EFCAB12: variants seen among roughly 807,000 people sequenced by gnomAD.
The protein encoded by EFCAB12 is EF-hand calcium-binding domain-containing protein 12.
In EFCAB12, 43 loss-of-function variants were observed where a neutral mutation model predicts 53.6. The ratio of observed to expected loss-of-function variants is 0.80; its 90% CI spans 0.63 to 1.03. EFCAB12 has a LOEUF of 1.03. Among genes scored for constraint, EFCAB12 ranks in the 50% least tolerant of loss-of-function variants. The pLI, the probability that EFCAB12 is intolerant of heterozygous loss-of-function variation, is 0.00. For missense variants in EFCAB12, 646 were observed against 730.6 expected (o/e 0.88, Z 1.34); for synonymous variants, 269 against 289.2 (o/e 0.93, Z 0.71).
chr3:129,404,429 C>T (rs370870184), intron 6 of EFCAB12, 26 bp from the exon 7 acceptor site: 3 of 1,594,968 alleles, frequency 1.9e-6, no homozygotes, highest in East Asian at 4.5e-5. Context: ...GAAACATCTG[C>T]ACCCATCAAC....
At chr3:129,411,731 G>T in intron 4 of EFCAB12, 1 of 162,720 alleles carries the variant, frequency 6.1e-6, no homozygotes, top group South Asian at 1.8e-4. Context: ...TCAGGAGATC[G>T]AGACCATCCT....
At chr3:129,409,586 T>G (rs1384471541) in intron 5 of EFCAB12, among the ~76,000 whole-genome samples, 2 of 152,194 alleles carry the variant, frequency 1.3e-5, no homozygotes, top group African/African-American at 4.8e-5. Flanking sequence ...GCCACCACCT[T>G]GTTTTTTAAC....
At chr3:129,411,404 A>T in intron 4 of EFCAB12, 50 bp from the exon 5 acceptor site, 1 of 1,515,344 alleles carries the variant, frequency 6.6e-7, no homozygotes, top group Non-Finnish European at 8.9e-7. Flanking sequence ...GAGGGTGCCC[A>T]GCCACGGAAC....
In EFCAB12 at chr3:129,401,567, C is replaced by A; in HGVS notation, c.*26G>T. 6.7e-7 allele frequency: 1 copy of A among 1,493,946 alleles called. No individual in the cohort carries two copies. Among genetic ancestry groups the A allele is most frequent in the Non-Finnish European group, 9.0e-7 (1 of 1,113,182 alleles). The allele number at this position is 1,493,946 out of a possible 1,614,324, so 92.5% of individuals were successfully genotyped here. On this transcript the variant is annotated 3_prime_UTR_variant, in exon 9 of 9. Transcript: ENST00000505956. ...TGCACTGGCCCCTGGCCCAGGAAGG[C>A]TGGGTCCGGCAACACCTGGCTAGCT...
At chr3:129,428,333 A>C (rs1239471474) in intron 1 of EFCAB12, 107 bp downstream of exon 1, 2 of 1,457,462 alleles carry the variant, frequency 1.4e-6, no homozygotes, top group Non-Finnish European at 1.9e-6. Context: ...CCCTTCACCC[A>C]GAGGGGGTCG....
intron 1 of EFCAB12, among the ~76,000 whole-genome samples, chr3:129,423,633 T>A (rs9872390): frequency 0.064 from 9,690 of 151,936 alleles, 927 homozygotes; most frequent in East Asian, 0.44. Context: ...TCAAAAAAAT[T>A]TAAAAAAATC....
intron 5 of EFCAB12, among the ~76,000 whole-genome samples, chr3:129,410,901 T>C (rs1241053244): frequency 6.6e-6 from 1 of 152,146 alleles, no homozygotes; most frequent in Non-Finnish European, 1.5e-5. Context: ...GGTCTAAGGA[T>C]GAAAAGTCAT....
At chr3:129,416,788 G>T (rs12629957) in intron 3 of EFCAB12, among the ~76,000 whole-genome samples, 29,509 of 151,928 alleles carry the variant, frequency 0.19, 3,958 homozygotes, top group East Asian at 0.46. Context: ...TAGCTGGGAC[G>T]ACAGGTGTGT....
In EFCAB12 at chr3:129,415,262, A is replaced by G. The variant is rs957662650; in HGVS notation, c.821T>C (p.Leu274Pro). The change falls in exon 4 of 9, where the codon CTG becomes CCG. Residue 274 changes from leucine to proline, a missense_variant. Coordinates refer to ENST00000505956, the MANE Select transcript of EFCAB12 (RefSeq NM_207307.3). The stretch of plus-strand genomic sequence containing the variant: ...GTACGCACGCTCCCTTGCAGTGGCC[A>G]GGCTGCTCCTTTGCTGAGCCATAGA... Reference protein sequence around the residue: ...QWSMAQQRSSLATAREHYILA... With the variant: ...QWSMAQQRSSPATAREHYILA... 1 of 1,609,752 alleles carries G rather than the reference A, an allele frequency of 6.2e-7. No individual in the cohort carries two copies. Among genetic ancestry groups the G allele is most frequent in the Non-Finnish European group, 8.5e-7 (1 of 1,178,808 alleles).
rs780400957 is a variant in EFCAB12, at chr3:129,415,246, C to T, written c.837G>A (p.Glu279=). ...CACAGGATGGGGAGGGGTACGCACG[C>T]TCCCTTGCAGTGGCCAGGCTGCTCC... is the stretch of plus-strand genomic sequence containing the variant. ...QQRSSLATAR[E]HYILAKHRDS... The change falls in exon 4 of 9, where the codon GAG becomes GAA. Residue 279 remains glutamate (E), a splice_region_variant and synonymous_variant. Coordinates refer to ENST00000505956, the MANE Select transcript of EFCAB12 (RefSeq NM_207307.3). 11 of 1,601,772 alleles carry T rather than the reference C, an allele frequency of 6.9e-6. No homozygotes were observed. In the East Asian group the frequency reaches 1.6e-4, roughly 23 times the overall value.
At chr3:129,406,946 G>A (rs1282710180) in intron 6 of EFCAB12, among the ~76,000 whole-genome samples, 2 of 151,428 alleles carry the variant, frequency 1.3e-5, no homozygotes, top group Non-Finnish European at 2.9e-5. Flanking sequence ...CCACAGCCTT[G>A]AACTCCTGGG....
intron 8 of EFCAB12, 105 bp downstream of exon 8, chr3:129,402,418 C>T (rs1335826094): frequency 1.3e-5 from 17 of 1,290,196 alleles, no homozygotes; most frequent in Middle Eastern, 2.0e-4. Flanking sequence ...GCCAGGGCAC[C>T]GAGCCCCAGC....
At chr3:129,421,970 C>T (rs968774132) in intron 1 of EFCAB12, among the ~76,000 whole-genome samples, 167 bp from the exon 2 acceptor site, 6 of 152,150 alleles carry the variant, frequency 3.9e-5, no homozygotes, top group Non-Finnish European at 5.9e-5. Flanking sequence ...CTAATGTTAC[C>T]GGGTGCTCCC....
At chr3:129,424,331 G>T (rs2107743132) in intron 1 of EFCAB12, among the ~76,000 whole-genome samples, 1 of 152,214 alleles carries the variant, frequency 6.6e-6, no homozygotes, top group East Asian at 1.9e-4. Flanking sequence ...GTTGGAGGAG[G>T]GGTCTAGTGG....
chr3:129,404,115 TG>T, intron 7 of EFCAB12, 134 bp downstream of exon 7: 1 of 1,193,668 alleles, frequency 8.4e-7, no homozygotes, highest in Non-Finnish European at 1.2e-6. Context: ...GCAGTCAGGT[TG>T]GGGGATGTTG....
At chr3:129,405,441 T>G (rs904752741) in intron 6 of EFCAB12, among the ~76,000 whole-genome samples, 1 of 152,210 alleles carries the variant, frequency 6.6e-6, no homozygotes, top group Non-Finnish European at 1.5e-5. Context: ...TTTTAAAGTG[T>G]GATTTAACAA....
intron 6 of EFCAB12, among the ~76,000 whole-genome samples, chr3:129,406,813 C>T (rs1028842066): frequency 2.0e-5 from 3 of 151,162 alleles, no homozygotes; most frequent in Admixed American, 2.0e-4. Context: ...AGAATGTGAC[C>T]GTTGGAGGGG....
chr3:129,405,845 G>A (rs2071943156), intron 6 of EFCAB12, among the ~76,000 whole-genome samples: 1 of 152,190 alleles, frequency 6.6e-6, no homozygotes, highest in African/African-American at 2.4e-5. Context: ...CCCACCCACA[G>A]GATGCTCCTG....
At chr3:129,418,183 G>A in intron 3 of EFCAB12, 71 bp downstream of exon 3, 1 of 1,401,442 alleles carries the variant, frequency 7.1e-7, no homozygotes, top group Non-Finnish European at 9.6e-7. Context: ...GGAGGGGCGG[G>A]GGTGGCAAAG....
Sources: allele counts gnomAD v4.1 joint callset (sites outside exome capture counted in the v4.1 genomes callset), GRCh38; gene constraint gnomAD v4.1.1; transcripts MANE v1.5; gene names NCBI Gene and HGNC (gene_info 2026-07-23, HGNC 2026-07-21).